The following NECAB1 variants were observed in gnomAD, a reference collection of about 807,000 sequenced individuals.
NECAB1 encodes the protein N-terminal EF-hand calcium binding protein 1.
In NECAB1, 29 loss-of-function variants were observed where a neutral mutation model predicts 57.5. The observed-to-expected ratio is 0.50, with a 90% confidence interval of 0.38 to 0.69. The LOEUF (loss-of-function observed/expected upper bound fraction) is 0.69, where lower values mean the gene tolerates loss of function less well. NECAB1 is among the 30% of genes least tolerant of loss of function. The pLI is 0.00. For synonymous variants in NECAB1, 142 were observed against 147.7 expected (o/e 0.96, Z 0.28); for missense variants, 372 against 413.8 (o/e 0.90, Z 0.88).
At chr8:90,837,582 G>A (rs1163841451) in intron 3 of NECAB1, among the ~76,000 whole-genome samples, 3 of 152,192 alleles carry the variant, frequency 2.0e-5, no homozygotes, top group East Asian at 1.9e-4. Context: ...ATTGGAGAAG[G>A]GAAAATTACT....
chr8:90,796,688 A>G (rs779310369), intron 1 of NECAB1, among the ~76,000 whole-genome samples: 38 of 152,192 alleles, frequency 2.5e-4, no homozygotes, highest in Non-Finnish European at 5.4e-4. Flanking sequence ...TTTACCATCT[A>G]TCCAGTGGTA....
chr8:90,840,865 T>G (rs1438966009), intron 3 of NECAB1, among the ~76,000 whole-genome samples: 1 of 151,808 alleles, frequency 6.6e-6, no homozygotes, highest in Non-Finnish European at 1.5e-5. Context: ...GTTGCTGCTA[T>G]TTGTGGTGGG....
chr8:90,944,650 G>A (rs1020462135), intron 10 of NECAB1, among the ~76,000 whole-genome samples: 34 of 152,238 alleles, frequency 2.2e-4, no homozygotes, highest in Admixed American at 1.1e-3. Context: ...CTCCAGTTGG[G>A]AAAATAGGAT....
intron 3 of NECAB1, among the ~76,000 whole-genome samples, chr8:90,839,735 C>T (rs566971915): frequency 2.4e-4 from 36 of 152,256 alleles, no homozygotes; most frequent in African/African-American, 7.7e-4. Context: ...GCGCAGAGCA[C>T]TGAATCAGGG....
chr8:90,843,162 C>T (rs990563863), intron 3 of NECAB1, among the ~76,000 whole-genome samples: 2 of 152,114 alleles, frequency 1.3e-5, no homozygotes, highest in African/African-American at 4.8e-5. Flanking sequence ...AGAAATTATT[C>T]ACTATCATGA....
chr8:90,850,317 C>T (rs900323497), intron 3 of NECAB1, among the ~76,000 whole-genome samples: 2 of 152,162 alleles, frequency 1.3e-5, no homozygotes, highest in African/African-American at 4.8e-5. Context: ...TAGTAATGCC[C>T]CTTGATCATA....
At chr8:90,882,404 A>G (rs1808859775) in intron 5 of NECAB1, among the ~76,000 whole-genome samples, 1 of 152,110 alleles carries the variant, frequency 6.6e-6, no homozygotes, top group African/African-American at 2.4e-5. Flanking sequence ...CCAAATAACA[A>G]ATTCCAAAAA....
At chr8:90,896,379 C>T (rs1470797638) in intron 5 of NECAB1, among the ~76,000 whole-genome samples, 2 of 151,950 alleles carry the variant, frequency 1.3e-5, no homozygotes, top group African/African-American at 4.8e-5. Flanking sequence ...CCGAGGCAGG[C>T]GGATCACAAG....
At chr8:90,866,239 A>G (rs1808510683) in intron 3 of NECAB1, among the ~76,000 whole-genome samples, 2 of 152,196 alleles carry the variant, frequency 1.3e-5, no homozygotes, top group Non-Finnish European at 2.9e-5. Flanking sequence ...ACTTTGTAAA[A>G]TGGAAAACAC....
At chr8:90,837,021 A>T (rs1467904958) in intron 3 of NECAB1, among the ~76,000 whole-genome samples, 1 of 152,250 alleles carries the variant, frequency 6.6e-6, no homozygotes, top group Non-Finnish European at 1.5e-5. Context: ...TCTTTGCAAT[A>T]GTTAATTGTT....
rs141812688 is a variant in NECAB1 at position 90,942,679 on chromosome 8, C to A, written c.860+1781C>A. ...CAGGCAGATCACGAAGTCAGGAGTT[C>A]GAGACCAGACTGACCAACGTGATGA... On this transcript the variant is annotated intron_variant, in intron 10 of 12. Coordinates refer to ENST00000417640, the MANE Select transcript of NECAB1 (RefSeq NM_022351.5). Among the ~76,000 whole-genome samples the A allele has an allele frequency of 2.0e-3, 304 of 152,234 alleles. 1 individual carries two copies. The highest frequency in any genetic ancestry group is 3.5e-3 in the Admixed American group (53 of 15,290).
At chr8:90,952,027 G>A (rs1394484467) in intron 12 of NECAB1, among the ~76,000 whole-genome samples, 1 of 152,142 alleles carries the variant, frequency 6.6e-6, no homozygotes, top group African/African-American at 2.4e-5. Flanking sequence ...AGTACAAGTG[G>A]AGACAGACGA....
chr8:90,838,065 A>C (rs1028038344), intron 3 of NECAB1, among the ~76,000 whole-genome samples: 15 of 152,218 alleles, frequency 9.9e-5, no homozygotes, highest in Non-Finnish European at 1.8e-4. Flanking sequence ...TCAGAGAAAC[A>C]TATTCCAATG....
intron 5 of NECAB1, among the ~76,000 whole-genome samples, chr8:90,893,928 C>G (rs1219300485): frequency 6.6e-6 from 1 of 151,660 alleles, no homozygotes; most frequent in Non-Finnish European, 1.5e-5. Context: ...TTGAATTTGC[C>G]TTTTAAATGA....
At chr8:90,914,821 T>TA (rs775256620) in intron 5 of NECAB1, among the ~76,000 whole-genome samples, 47 of 152,338 alleles carry the variant, frequency 3.1e-4, no homozygotes, top group Admixed American at 9.8e-4. Context: ...AATAAATTCT[T>TA]AGAGTTAGGA....
intron 3 of NECAB1, among the ~76,000 whole-genome samples, chr8:90,850,682 C>A (rs916247654): frequency 6.6e-6 from 1 of 152,122 alleles, no homozygotes; most frequent in East Asian, 1.9e-4. Flanking sequence ...GGTGCTTTGT[C>A]TATATATCTT....
rs1006352488 is a variant in NECAB1, at chr8:90,840,094, C to CAAT, written c.233+15278_233+15280dup. On this transcript the variant is annotated intron_variant, in intron 3 of 12. Coordinates refer to ENST00000417640, the MANE Select transcript of NECAB1 (RefSeq NM_022351.5). The stretch of plus-strand genomic sequence containing the variant: ...ATAAGAATACCCTGATGTTGCAAAA[C>CAAT]AATAATAATAACAACAACAATAATA... Among the ~76,000 whole-genome samples, 12 of 152,098 alleles carry CAAT rather than the reference C, an allele frequency of 7.9e-5. 1 individual carries two copies. Among genetic ancestry groups the CAAT allele is most frequent in the Admixed American group, 7.9e-4 (12 of 15,276 alleles).
intron 5 of NECAB1, among the ~76,000 whole-genome samples, chr8:90,906,874 C>CATATATATAT (rs1290352726): frequency 1.1e-3 from 48 of 42,636 alleles, no homozygotes; most frequent in African/African-American, 9.2e-3. Context: ...ATATGATATA[C>CATATATATAT]ACATATATAT....
chr8:90,875,485 C>A (rs1281721730), intron 4 of NECAB1, among the ~76,000 whole-genome samples: 4 of 41,772 alleles, frequency 9.6e-5, no homozygotes, highest in African/African-American at 1.4e-4. Context: ...GAGACTCCGT[C>A]TCAAAAAAAA....
Sources: allele counts gnomAD v4.1 joint callset (sites outside exome capture counted in the v4.1 genomes callset), GRCh38; gene constraint gnomAD v4.1.1; transcripts MANE v1.5; gene names NCBI Gene and HGNC (gene_info 2026-07-23, HGNC 2026-07-21).